Variants in NBDY observed in about 807,000 individuals in gnomAD.
The protein encoded by NBDY is negative regulator of P-body association.
chrX:56,790,930 C>T (rs911947394), intron 2 of NBDY, among the ~76,000 whole-genome samples: 1 of 112,308 alleles, frequency 8.9e-6, no homozygotes. Context: ...CAGTGGGGAG[C>T]ATGGCAGCCT....
At chrX:56,742,430 G>A (rs971482872) in intron 2 of NBDY, among the ~76,000 whole-genome samples, 3 of 110,947 alleles carry the variant, frequency 2.7e-5, no homozygotes, top group Admixed American at 9.6e-5. Flanking sequence ...TGGCATGGAC[G>A]TTTTAACAAT....
At chrX:56,731,357 G>A (rs1396807062) in intron 1 of NBDY, among the ~76,000 whole-genome samples, 4 of 101,836 alleles carry the variant, frequency 3.9e-5, no homozygotes, top group Non-Finnish European at 7.9e-5. Flanking sequence ...TCAGGAGTTC[G>A]AGACCAGCCT....
chrX:56,814,526 T>A (rs2069902286), intron 2 of NBDY, among the ~76,000 whole-genome samples: 1 of 107,480 alleles, frequency 9.3e-6, no homozygotes, highest in African/African-American at 3.4e-5. Flanking sequence ...GGAGTCTCGC[T>A]CTGTTGTCTA....
At chrX:56,763,088 T>C (rs1440078694) in intron 2 of NBDY, among the ~76,000 whole-genome samples, 1 of 112,632 alleles carries the variant, frequency 8.9e-6, no homozygotes, top group Non-Finnish European at 1.9e-5. Context: ...CATCATGCCA[T>C]TGATTGATGG....
chrX:56,765,589 G>T (rs1196957588), intron 2 of NBDY, among the ~76,000 whole-genome samples: 1 of 111,321 alleles, frequency 9.0e-6, no homozygotes, highest in Non-Finnish European at 1.9e-5. Flanking sequence ...TCCTAAACTA[G>T]ATCCTTCGGG....
chrX:56,799,369 G>A (rs951069877), intron 2 of NBDY, among the ~76,000 whole-genome samples: 3 of 113,211 alleles, frequency 2.6e-5, no homozygotes, highest in Non-Finnish European at 5.6e-5. Context: ...CCCCAGTCTC[G>A]GCAGTCAGTG....
chrX:56,731,619 G>T (rs916574311), intron 1 of NBDY, among the ~76,000 whole-genome samples: 1 of 110,658 alleles, frequency 9.0e-6, no homozygotes, highest in African/African-American at 3.3e-5. Flanking sequence ...AAAAAGAAAA[G>T]AAAACAAAAG....
intron 2 of NBDY, among the ~76,000 whole-genome samples, chrX:56,785,806 C>A (rs2069724529): frequency 8.9e-6 from 1 of 111,891 alleles, no homozygotes; most frequent in Non-Finnish European, 1.9e-5. Flanking sequence ...TCCCTCTCAA[C>A]CTCATTGATT....
At chrX:56,781,973 T>G (rs2069694391) in intron 2 of NBDY, among the ~76,000 whole-genome samples, 1 of 111,585 alleles carries the variant, frequency 9.0e-6, no homozygotes, top group Non-Finnish European at 1.9e-5. Context: ...ATCCTCAGGG[T>G]AAGGTTCAGC....
chrX:56,754,135 C>T (rs1015993923), intron 2 of NBDY, among the ~76,000 whole-genome samples: 8 of 110,659 alleles, frequency 7.2e-5, no homozygotes, highest in Non-Finnish European at 1.5e-4. Context: ...ATGAATAGTT[C>T]GAAGGAAGTG....
At chrX:56,737,795 C>A (rs1388984057) in intron 2 of NBDY, among the ~76,000 whole-genome samples, 1 of 111,402 alleles carries the variant, frequency 9.0e-6, no homozygotes, top group Non-Finnish European at 1.9e-5. Flanking sequence ...ACTTGAAAAA[C>A]CAGGAATATT....
chrX:56,794,088 G>T (rs914483806), intron 2 of NBDY, among the ~76,000 whole-genome samples: 2 of 112,379 alleles, frequency 1.8e-5, no homozygotes, highest in African/African-American at 6.5e-5. Flanking sequence ...CTGGTCTGCA[G>T]GCTGCATGGC....
chrX:56,805,430 G>T (rs992921928), intron 2 of NBDY, among the ~76,000 whole-genome samples: 1 of 112,181 alleles, frequency 8.9e-6, no homozygotes. Context: ...CAAAAGTGTA[G>T]GCCCAGGCAC....
chrX:56,737,538 G>A, intron 2 of NBDY: 1 of 947,084 alleles, frequency 1.1e-6, no homozygotes, highest in East Asian at 3.2e-5. Context: ...ATACCATCCA[G>A]CCACTTGCCT....
chrX:56,755,125 A>C (rs2069603027), intron 2 of NBDY, among the ~76,000 whole-genome samples: 1 of 111,947 alleles, frequency 8.9e-6, no homozygotes, highest in Non-Finnish European at 1.9e-5. Context: ...CTTACACCTT[A>C]TACAAAAGTT....
chrX:56,786,041 T>C (rs1048383282), intron 2 of NBDY, among the ~76,000 whole-genome samples: 2 of 111,426 alleles, frequency 1.8e-5, no homozygotes, highest in African/African-American at 6.5e-5. Context: ...CCCTCCCCTT[T>C]CTGCCCTCTC....
intron 2 of NBDY, among the ~76,000 whole-genome samples, chrX:56,783,770 T>A (rs1303008173): frequency 1.8e-5 from 2 of 112,660 alleles, no homozygotes; most frequent in Non-Finnish European, 3.8e-5. Flanking sequence ...CAGTCACGTC[T>A]TTTCCTTCCC....
chrX:56,754,491 A>T (rs2069600169), intron 2 of NBDY, among the ~76,000 whole-genome samples: 1 of 112,201 alleles, frequency 8.9e-6, no homozygotes. Flanking sequence ...ACAAGCTTCA[A>T]TAAATTTAAA....
At chrX:56,739,238 G>GTGTATATATATATATATA (rs1556001298) in intron 2 of NBDY, among the ~76,000 whole-genome samples, 5 of 59,609 alleles carry the variant, frequency 8.4e-5, no homozygotes, top group African/African-American at 2.8e-4. Flanking sequence ...GTTTGTGTGT[G>GTGTATATATATATATATA]TATATATATA....
Sources: gnomAD v4.1 joint callset for allele counts (sites outside exome capture counted in the v4.1 genomes callset) on GRCh38, gnomAD v4.1.1 for gene constraint, MANE v1.5 for transcripts, NCBI Gene and HGNC (gene_info 2026-07-23, HGNC 2026-07-21) for gene names.